Variants in ATP9B observed in about 807,000 individuals in gnomAD.
The protein encoded by ATP9B is probable phospholipid-transporting ATPase IIB.
ATP9B carries 110 observed loss-of-function variants against 146.1 expected under a neutral mutation model. The ratio of observed to expected loss-of-function variants is 0.75; its 90% CI spans 0.65 to 0.88. The LOEUF (loss-of-function observed/expected upper bound fraction) is 0.88. ATP9B is among the 40% of genes least tolerant of loss of function. ATP9B has a pLI of 0.00. For missense variants in ATP9B, 1,499 were observed against 1,496.4 expected (o/e 1.00, Z -0.03); for synonymous variants, 604 against 569.7 (o/e 1.06, Z -0.86).
rs374421834 is a variant in ATP9B, at chr18:79,160,834, C to T, written c.778+6279C>T. Among the ~76,000 whole-genome samples, 500 of 152,208 alleles carry T rather than the reference C, an allele frequency of 3.3e-3. 2 individuals are homozygous for T. Among genetic ancestry groups the T allele is most frequent in the African/African-American group, 0.012 (480 of 41,532 alleles). On this transcript the variant is annotated intron_variant, in intron 7 of 29. Transcript: ENST00000426216. ...TCACCCAGGCTGGAGTGCAGTGGCG[C>T]GATCTCGGCTCACTGCAACCTCTGC...
chr18:79,283,503 G>A (rs921665243), intron 13 of ATP9B, among the ~76,000 whole-genome samples: 9 of 152,162 alleles, frequency 5.9e-5, no homozygotes, highest in South Asian at 2.1e-4. Context: ...CATTTGCCAC[G>A]GCAGAATAGA....
intron 4 of ATP9B, among the ~76,000 whole-genome samples, chr18:79,121,474 C>T (rs1185934093): frequency 6.6e-6 from 1 of 152,174 alleles, no homozygotes; most frequent in Non-Finnish European, 1.5e-5. Flanking sequence ...GTAAGACTTG[C>T]TTACTCCAGT....
intron 1 of ATP9B, among the ~76,000 whole-genome samples, chr18:79,073,930 C>G (rs1051977703): frequency 1.3e-5 from 2 of 152,100 alleles, no homozygotes. Flanking sequence ...ATTCAGATTG[C>G]GAATGTTCTG....
At chr18:79,231,803 T>C (rs12960136) in intron 11 of ATP9B, among the ~76,000 whole-genome samples, 36,413 of 114,490 alleles carry the variant, frequency 0.32, 5,962 homozygotes, top group South Asian at 0.51. Flanking sequence ...TATATATATA[T>C]ACACACACAC....
At position 79,174,484 on chromosome 18, in the gene ATP9B, A is replaced by C. The variant is rs112729041; in HGVS notation, c.779-2329A>C. Reference sequence around the variant, plus strand: ...TTTCTGATTGTCTCACACACTTCTTACAGTTGATCTGTTCCAGTCAGGATG... The same window carrying C: ...TTTCTGATTGTCTCACACACTTCTTCCAGTTGATCTGTTCCAGTCAGGATG... On this transcript the variant is annotated intron_variant, in intron 7 of 29. Coordinates refer to ENST00000426216, the MANE Select transcript of ATP9B (RefSeq NM_198531.5). Among the ~76,000 whole-genome samples the C allele has an allele frequency of 4.1e-3, 623 of 152,290 alleles. 4 individuals carry two copies. The highest frequency in any genetic ancestry group is 0.015 in the African/African-American group (606 of 41,558).
At chr18:79,224,674 C>T (rs917989926) in intron 11 of ATP9B, among the ~76,000 whole-genome samples, 3 of 152,200 alleles carry the variant, frequency 2.0e-5, no homozygotes, top group Non-Finnish European at 4.4e-5. Context: ...CCTTGGTTTT[C>T]TAATTGTCGC....
chr18:79,136,627 T>A (rs1390284012), intron 5 of ATP9B, among the ~76,000 whole-genome samples: 1 of 152,198 alleles, frequency 6.6e-6, no homozygotes, highest in African/African-American at 2.4e-5. Flanking sequence ...GTTTTTAAAT[T>A]TTTCTTTTAA....
chr18:79,343,329 CA>C (rs2096868569), intron 20 of ATP9B, among the ~76,000 whole-genome samples: 1 of 152,030 alleles, frequency 6.6e-6, no homozygotes, highest in African/African-American at 2.4e-5. Context: ...TAATTTGAAC[CA>C]CATGAAGCTT....
intron 14 of ATP9B, among the ~76,000 whole-genome samples, chr18:79,306,434 C>A (rs1299888608): frequency 2.0e-5 from 3 of 152,168 alleles, no homozygotes; most frequent in Non-Finnish European, 4.4e-5. Context: ...GACACGGGGC[C>A]ATTTTTCCTC....
chr18:79,070,680 T>G (rs1290448326), intron 1 of ATP9B, among the ~76,000 whole-genome samples: 1 of 143,620 alleles, frequency 7.0e-6, no homozygotes, highest in Non-Finnish European at 1.5e-5. Flanking sequence ...TCATGTACTT[T>G]GAAGCACTGT....
chr18:79,250,522 A>T (rs1204386935), intron 11 of ATP9B, among the ~76,000 whole-genome samples: 2 of 152,224 alleles, frequency 1.3e-5, no homozygotes, highest in African/African-American at 4.8e-5. Context: ...CCTTTGTCAC[A>T]GCAAAAGGAT....
intron 6 of ATP9B, among the ~76,000 whole-genome samples, chr18:79,147,396 T>C (rs2147507250): frequency 6.6e-6 from 1 of 152,330 alleles, no homozygotes; most frequent in South Asian, 2.1e-4. Flanking sequence ...AACACATTTA[T>C]TTCAAGTGTC....
In ATP9B at chr18:79,303,707, C is replaced by T. The variant is rs769361462; in HGVS notation, c.1515C>T (p.Ser505=). 1.2e-6 allele frequency: 2 copies of T among 1,613,666 alleles called. No individual in the cohort carries two copies. Among genetic ancestry groups the T allele is most frequent in the Non-Finnish European group, 1.7e-6 (2 of 1,179,766 alleles). ...AGATCCAGAGCCATGTCAGGGACTCCTACTCACAGGTAAGTGGGTTCCTCC... is the reference window on the plus strand; with the variant it reads ...AGATCCAGAGCCATGTCAGGGACTCTTACTCACAGGTAAGTGGGTTCCTCC... The part of the protein sequence containing the change: ...MDEIQSHVRD[S]YSQMQSQAGG... The change falls in exon 14 of 30, where the codon TCC becomes TCT. Residue 505 remains serine (S), a synonymous_variant. Coordinates refer to ENST00000426216, the MANE Select transcript of ATP9B (RefSeq NM_198531.5).
intron 5 of ATP9B, among the ~76,000 whole-genome samples, chr18:79,129,750 CT>C (rs888737575): frequency 4.9e-4 from 72 of 146,344 alleles, no homozygotes; most frequent in Admixed American, 5.4e-4. Context: ...TTCTTTTTTT[CT>C]TTTTTTTTTT....
chr18:79,283,635 A>G (rs532706302), intron 13 of ATP9B, among the ~76,000 whole-genome samples: 2 of 152,364 alleles, frequency 1.3e-5, no homozygotes, highest in East Asian at 1.9e-4. Context: ...TGATGTTGCT[A>G]TAGTGACACA....
rs2097110091 is a variant in ATP9B, at chr18:79,377,814, C to G, written c.*431C>G. ...ACAGATGCCGGGATGGCCCCTCCCT[C>G]TCAGTGCGGGAACGTCACCCCTGCC... On this transcript the variant is annotated 3_prime_UTR_variant, in exon 30 of 30. Transcript: ENST00000426216. 1.1e-5 allele frequency: 2 copies of G among 174,522 alleles called. No individual in the cohort carries two copies. Among genetic ancestry groups the G allele is most frequent in the African/African-American group, 4.8e-5 (2 of 42,078 alleles). The allele number at this position is 174,522 out of a possible 1,614,324, so 10.8% of individuals were successfully genotyped here.
At chr18:79,097,106 C>T (rs925542460) in intron 2 of ATP9B, among the ~76,000 whole-genome samples, 7 of 148,296 alleles carry the variant, frequency 4.7e-5, no homozygotes, top group East Asian at 3.9e-4. Context: ...TACAGTGAGC[C>T]GAGATCGAGC....
At chr18:79,119,483 T>G (rs185996996) in intron 4 of ATP9B, among the ~76,000 whole-genome samples, 2 of 152,382 alleles carry the variant, frequency 1.3e-5, no homozygotes, top group East Asian at 3.9e-4. Flanking sequence ...TTTTTTGACA[T>G]GTATTAGCTT....
At chr18:79,178,163 A>G (rs910163978) in intron 8 of ATP9B, among the ~76,000 whole-genome samples, 1 of 152,084 alleles carries the variant, frequency 6.6e-6, no homozygotes, top group African/African-American at 2.4e-5. Flanking sequence ...GTGTGTGTGC[A>G]TGTGGCAGTT....
Sources: allele counts gnomAD v4.1 joint callset (sites outside exome capture counted in the v4.1 genomes callset), GRCh38; gene constraint gnomAD v4.1.1; transcripts MANE v1.5; gene names NCBI Gene and HGNC (gene_info 2026-07-23, HGNC 2026-07-21).